The following PKD1 variants were observed in gnomAD, a reference collection of about 807,000 sequenced individuals.
PKD1 encodes polycystin 1, transient receptor potential channel interacting.
In PKD1, 81 loss-of-function variants were observed where a neutral mutation model predicts 361.7. The ratio of observed to expected loss-of-function variants is 0.22; its 90% CI spans 0.19 to 0.27. The LOEUF is 0.27. Ranked by LOEUF, PKD1 falls within the 10% of genes least tolerant of loss-of-function variation. The pLI is 1.00. For synonymous variants in PKD1, 3,615 were observed against 2,818.3 expected, an observed-to-expected ratio of 1.28 and a Z score of -8.95; for missense variants, 6,399 against 6,118.3, an observed-to-expected ratio of 1.05 and a Z score of -1.53.
At position 2,090,294 on chromosome 16, in the gene PKD1, C is replaced by T; in HGVS notation, c.12435G>A (p.Lys4145=). ...ACTGGGCCGTACCCACCTCCTTGAC[C>T]TTGCTGAGGCCCATCCAGAGGCGCA... ...RRLRLWMGLS[K]VKEFRHKVRF... The change falls in exon 45 of 46, where the codon AAG becomes AAA. Residue 4145 remains lysine, a synonymous_variant. Coordinates refer to ENST00000262304, the MANE Select transcript of PKD1 (RefSeq NM_001009944.3). 1.2e-6 allele frequency: 2 copies of T among 1,610,016 alleles called. No individual in the cohort carries two copies. The highest frequency in any genetic ancestry group is 1.1e-5 in the South Asian group (1 of 90,872).
chr16:2,125,615 C>T (rs1240410876), intron 1 of PKD1, among the ~76,000 whole-genome samples: 3 of 152,128 alleles, frequency 2.0e-5, no homozygotes, highest in Non-Finnish European at 2.9e-5. Flanking sequence ...TCCTTGCCTA[C>T]ACAGATGGAA....
chr16:2,112,627 T>A, intron 13 of PKD1, 154 bp from the exon 14 acceptor site: 1 of 1,022,440 alleles, frequency 9.8e-7, no homozygotes, highest in East Asian at 2.6e-5. Context: ...CTCTCCCGGC[T>A]CCCGTGCAGC....
intron 16 of PKD1, chr16:2,107,454 C>T (rs1205796706): frequency 2.8e-6 from 1 of 362,156 alleles, no homozygotes; most frequent in African/African-American, 2.1e-5. Flanking sequence ...CACTCTGGGG[C>T]ACCAGCAGGC....
chr16:2,092,243 AGTGTT>A, intron 39 of PKD1, 55 bp from the exon 40 acceptor site: 1 of 1,532,918 alleles, frequency 6.5e-7, no homozygotes, highest in Non-Finnish European at 8.8e-7. Context: ...ACCCAACAGG[AGTGTT>A]TCCTGCTGGC....
chr16:2,097,325 C>T lies in PKD1; in HGVS notation c.10399G>A (p.Ala3467Thr), dbSNP rs1347130481. ...TCCTCTCACCCCAGCTCACCTGATG[C>T]TGAGAAGGATTTGGCAGGCGAGTAG... ...SPYSPAKSFS[A>T]SDEDLIQQVL... The change falls in exon 33 of 46, where the codon GCA becomes ACA. Residue 3467 changes from alanine (A) to threonine (T), a missense_variant. Ala to Thr is a moderately conservative substitution (Grantham distance 58). Transcript: ENST00000262304. 1.2e-6 allele frequency: 2 copies of T among 1,612,804 alleles called. No individual in the cohort carries two copies. Among genetic ancestry groups the T allele is most frequent in the Non-Finnish European group, 1.7e-6 (2 of 1,179,974 alleles).
rs1259034876 is a variant in PKD1, at chr16:2,106,714, C to T, written c.7210-37G>A. The stretch of plus-strand genomic sequence containing the variant: ...AGGGGTGGTGAGGGGGCGCAACCCT[C>T]TGCCCTGTCAGCCCCACTTCTGCCT... On this transcript the variant is annotated intron_variant, in intron 17 of 45. Coordinates refer to ENST00000262304, the MANE Select transcript of PKD1 (RefSeq NM_001009944.3). The surrounding 1 kb of genome is among the most constrained non-coding windows in gnomAD (Gnocchi z 6.5). 3 of 1,561,350 alleles carry T rather than the reference C, an allele frequency of 1.9e-6. No individual in the cohort carries two copies. The highest frequency in any genetic ancestry group is 1.7e-5 in the Admixed American group (1 of 57,792).
At chr16:2,120,172 A>C (rs2092697469) in intron 1 of PKD1, 1 of 406,566 alleles carries the variant, frequency 2.5e-6, no homozygotes, top group South Asian at 5.3e-5. Flanking sequence ...AGATCGCATC[A>C]CTGTACTCCA....
Position 2,109,705 on chromosome 16 carries a change from G to A in PKD1, c.5462C>T (p.Ser1821Phe). 1 of 1,597,704 alleles carries A rather than the reference G, an allele frequency of 6.3e-7. No homozygotes were observed. Among genetic ancestry groups the A allele is most frequent in the Non-Finnish European group, 8.5e-7 (1 of 1,173,712 alleles). The stretch of plus-strand genomic sequence containing the variant: ...CAGCTGCCCCCAAAAGGGCACAGAG[G>A]ACCCGGCCGCCACGAAGCTGCCTCC... The part of the protein sequence containing the change: ...EPGGSFVAAG[S>F]SVPFWGQLAT... The change falls in exon 15 of 46, where the codon TCC (serine) becomes TTC (phenylalanine). Residue 1821 changes from serine to phenylalanine, a missense_variant. Physicochemically the swap from Ser to Phe is radical, Grantham distance 155. Coordinates refer to ENST00000262304, the MANE Select transcript of PKD1 (RefSeq NM_001009944.3).
In PKD1 at chr16:2,102,229, C is replaced by T. The variant is rs766789328; in HGVS notation, c.9229G>A (p.Val3077Ile). Residue 3077 changes from valine to isoleucine, a missense_variant, in exon 26 of 46, where the codon GTC (valine) becomes ATC (isoleucine). Val to Ile is a conservative substitution (Grantham distance 29). Coordinates refer to ENST00000262304, the MANE Select transcript of PKD1 (RefSeq NM_001009944.3). Reference protein sequence around the residue: ...PEPTADVNYIVMLTCAVCLVT... With the variant: ...PEPTADVNYIIMLTCAVCLVT... ...AGGCACACAGCACATGTCAGCATGA[C>T]GATGTAGTTTACATCCGCTGTCGGC... 9.8e-6 allele frequency: 15 copies of T among 1,526,652 alleles called. No individual in the cohort carries two copies. Among genetic ancestry groups the T allele is most frequent in the Middle Eastern group, 2.4e-4 (1 of 4,252 alleles). The allele number at this position is 1,526,652 out of a possible 1,614,324, so 94.6% of individuals were successfully genotyped here. A position where few individuals can be genotyped will look rare whatever the true frequency, so the allele number is the denominator to read the frequency against.
chr16:2,113,038 C>T, intron 12 of PKD1, 75 bp from the exon 13 acceptor site: 2 of 1,457,178 alleles, frequency 1.4e-6, no homozygotes, highest in Non-Finnish European at 1.9e-6. Context: ...TCCCTCCACT[C>T]ACCCACAGCC....
rs201660914 is a variant in PKD1, at chr16:2,091,764, G to A, written c.11537+17C>T. 1,321 of 1,609,602 alleles carry A rather than the reference G, an allele frequency of 8.2e-4. 13 individuals are homozygous for A. The African/African-American group carries it at 0.016, about 20-fold the overall frequency. ...GACTGCGGCCACCCCGGAGAGGGCA[G>A]GGGAGGGAGCTCCCACCTGTTGTCC... On this transcript the variant is annotated intron_variant, in intron 41 of 45. Transcript: ENST00000262304.
Position 2,102,881 on chromosome 16 carries a change from T to C in PKD1, c.8881A>G (p.Arg2961Gly). The C allele has an allele frequency of 1.2e-6, 2 of 1,610,230 alleles. No individual in the cohort carries two copies. The highest frequency in any genetic ancestry group is 8.5e-7 in the Non-Finnish European group (1 of 1,179,766). The change falls in exon 24 of 46, where the codon AGG becomes GGG. Residue 2961 changes from arginine to glycine, a missense_variant. Arg to Gly is a moderately radical substitution (Grantham distance 125). Coordinates refer to ENST00000262304, the MANE Select transcript of PKD1 (RefSeq NM_001009944.3). ...TGGAGTGACTCTGGGCGGATCCTCC[T>C]GCTAGCCGAGCAGTTGTGCTCATTG... ...RPNEHNCSAS[R>G]RIRPESLQGA...
intron 15 of PKD1, 86 bp from the exon 16 acceptor site, chr16:2,108,118 AC>A (rs2092406662): frequency 6.6e-7 from 1 of 1,514,322 alleles, no homozygotes; most frequent in Non-Finnish European, 9.1e-7. Flanking sequence ...AGCGCGGGAG[AC>A]CCCCTCCCCA....
Position 2,091,558 on chromosome 16 carries a change from C to T in PKD1, c.11577G>A (p.Pro3859=). 6.5e-7 allele frequency: 1 copy of T among 1,533,078 alleles called. No individual in the cohort carries two copies. The highest frequency in any genetic ancestry group is 1.2e-5 in the South Asian group (1 of 81,912). The allele number at this position is 1,533,078 out of a possible 1,614,324, so 95.0% of individuals were successfully genotyped here. ...TGACGGCGGCGTGCAGCCCCACGGC[C>T]GGGCTGTAGCGCGTGAGCTCCAGGA... ...AVFLELTRYS[P]AVGLHAAVTL... Residue 3859 remains proline, a synonymous_variant, in exon 42 of 46, where the codon CCG becomes CCA. Transcript: ENST00000262304.
chr16:2,092,862 A>G, intron 38 of PKD1, 92 bp downstream of exon 38: 2 of 1,461,692 alleles, frequency 1.4e-6, no homozygotes, highest in South Asian at 2.3e-5. Flanking sequence ...CCACAAAGGT[A>G]TCTACACATG....
intron 1 of PKD1, among the ~76,000 whole-genome samples, chr16:2,131,329 G>T (rs1485343958): frequency 6.6e-6 from 1 of 151,816 alleles, no homozygotes; most frequent in Non-Finnish European, 1.5e-5. Flanking sequence ...GGCTAACACG[G>T]TGAAACCCCG....
chr16:2,102,658 G>C lies in PKD1; in HGVS notation c.8949-25C>G, dbSNP rs201147336. The C allele has an allele frequency of 1.2e-5, 20 of 1,610,712 alleles. No homozygotes were observed. The South Asian group carries it at 2.2e-4, about 18-fold the overall frequency. ...CCTGGGCAGGGAAGGGGTAGCGGAC[G>C]TGAGCCCAGGCTCCGCCAGGTTGGA... On this transcript the variant is annotated intron_variant, in intron 24 of 45. Coordinates refer to ENST00000262304, the MANE Select transcript of PKD1 (RefSeq NM_001009944.3).
At chr16:2,093,775 T>C (rs975868371) in intron 36 of PKD1, 36 bp downstream of exon 36, 2 of 1,559,488 alleles carry the variant, frequency 1.3e-6, no homozygotes, top group African/African-American at 1.4e-5. Flanking sequence ...TCCCCCGTGA[T>C]GGAGGCCTGT....
rs573611925 is a variant in PKD1 at position 2,106,546 on chromosome 16, C to A, written c.7341G>T (p.Thr2447=). The A allele has an allele frequency of 9.5e-5, 152 of 1,596,688 alleles. 2 individuals carry two copies. In the East Asian group the frequency reaches 3.3e-3, roughly 34 times the overall value. Residue 2447 remains threonine (T), a synonymous_variant, in exon 18 of 46, where the codon ACG becomes ACT. Transcript: ENST00000262304. This position sits in a 1 kb window ranked among gnomAD's most constrained non-coding sequence, Gnocchi z 6.5. ...CGCCAGAGCGGCCCAGCACCGTGAG[C>A]GTGAAGGTGTATCCCTCGCCGTCCC... is the stretch of plus-strand genomic sequence containing the variant. ...VLRDGEGYTF[T]LTVLGRSGEE... is the part of the protein sequence containing the mutation.
Sources: allele counts gnomAD v4.1 joint callset (sites outside exome capture counted in the v4.1 genomes callset), GRCh38; gene constraint gnomAD v4.1.1; non-coding constraint Gnocchi (gnomAD v3.1); transcripts MANE v1.5; gene names NCBI Gene and HGNC (gene_info 2026-07-23, HGNC 2026-07-21).